The following RAPGEF4 variants were observed in gnomAD, a reference collection of about 807,000 sequenced individuals.
RAPGEF4 encodes Rap guanine nucleotide exchange factor 4.
Under a neutral mutation model 147.9 loss-of-function variants are expected in RAPGEF4, and 66 were observed. That is an observed-to-expected ratio of 0.45 (90% CI 0.37 to 0.55). The LOEUF is 0.55. Ranked by LOEUF, RAPGEF4 falls within the 20% of genes least tolerant of loss-of-function variation. The pLI is 0.00. For missense variants in RAPGEF4, 1,071 were observed against 1,257.3 expected, an observed-to-expected ratio of 0.85 and a Z score of 2.24; for synonymous variants, 419 against 442.7, an observed-to-expected ratio of 0.95 and a Z score of 0.67.
At chr2:172,883,268 G>A (rs1157824264) in intron 4 of RAPGEF4, among the ~76,000 whole-genome samples, 1 of 152,158 alleles carries the variant, frequency 6.6e-6, no homozygotes, top group Non-Finnish European at 1.5e-5. Context: ...CGGCTATCGA[G>A]GGCCTTCTTG....
intron 6 of RAPGEF4, among the ~76,000 whole-genome samples, chr2:172,940,106 A>G (rs1018027044): frequency 3.3e-5 from 5 of 152,142 alleles, no homozygotes; most frequent in African/African-American, 4.8e-5. Flanking sequence ...ATTTTGTAGA[A>G]TGTCCCTCAC....
At chr2:172,834,797 A>C (rs1690743537) in intron 4 of RAPGEF4, among the ~76,000 whole-genome samples, 1 of 152,254 alleles carries the variant, frequency 6.6e-6, no homozygotes, top group South Asian at 2.1e-4. Flanking sequence ...TCTCTTTTCT[A>C]CACACATTCT....
intron 4 of RAPGEF4, among the ~76,000 whole-genome samples, chr2:172,842,725 A>C (rs1248132880): frequency 2.0e-5 from 3 of 152,172 alleles, no homozygotes; most frequent in African/African-American, 7.2e-5. Context: ...CAATTTTATG[A>C]CCTGCCTTGG....
chr2:172,779,074 T>C (rs551118422), intron 1 of RAPGEF4, among the ~76,000 whole-genome samples: 2 of 152,320 alleles, frequency 1.3e-5, no homozygotes, highest in South Asian at 4.1e-4. Context: ...ATAAAAAAGA[T>C]ACAAAAGTAT....
intron 1 of RAPGEF4, among the ~76,000 whole-genome samples, chr2:172,774,666 A>G (rs1683982718): frequency 6.6e-6 from 1 of 152,210 alleles, no homozygotes; most frequent in Non-Finnish European, 1.5e-5. Flanking sequence ...CTGAACTTCT[A>G]GGAGTTTTTC....
chr2:172,872,008 T>C (rs903560107), intron 4 of RAPGEF4, among the ~76,000 whole-genome samples: 1 of 152,140 alleles, frequency 6.6e-6, no homozygotes, highest in Non-Finnish European at 1.5e-5. Flanking sequence ...ATCATCTGCC[T>C]TTGATGTGGG....
Position 173,030,924 on chromosome 2 carries a change from G to T in RAPGEF4, c.2649+670G>T, listed in dbSNP as rs369917161. ...TTATTATTAGCTTTGTACTCAAAATGTGCTTGACCTCTTACACGTGGCATA... is the reference window on the plus strand; with the variant it reads ...TTATTATTAGCTTTGTACTCAAAATTTGCTTGACCTCTTACACGTGGCATA... On this transcript the variant is annotated intron_variant, in intron 26 of 30. Coordinates refer to ENST00000397081, the MANE Select transcript of RAPGEF4 (RefSeq NM_007023.4). Among the ~76,000 whole-genome samples, 16 of 152,292 alleles carry T rather than the reference G, an allele frequency of 1.1e-4. No homozygotes were observed. In the East Asian group the frequency reaches 1.5e-3, roughly 15 times the overall value.
chr2:172,736,086 G>A, intron 1 of RAPGEF4, 38 bp downstream of exon 1: 1 of 1,440,370 alleles, frequency 6.9e-7, no homozygotes, highest in Non-Finnish European at 9.2e-7. Context: ...GCCGAGCTCT[G>A]CGGTGCTGCC....
chr2:172,937,951 C>T (rs545843536), intron 6 of RAPGEF4, among the ~76,000 whole-genome samples: 2 of 152,226 alleles, frequency 1.3e-5, no homozygotes, highest in East Asian at 1.9e-4. Context: ...TTGACACACT[C>T]CCATCACTAT....
At chr2:172,790,069 A>G (rs1249945493) in intron 1 of RAPGEF4, among the ~76,000 whole-genome samples, 1 of 152,190 alleles carries the variant, frequency 6.6e-6, no homozygotes, top group African/African-American at 2.4e-5. Flanking sequence ...ACCATTTTAG[A>G]TACTGACCAA....
At chr2:172,775,108 A>C (rs1684030332) in intron 1 of RAPGEF4, among the ~76,000 whole-genome samples, 1 of 152,150 alleles carries the variant, frequency 6.6e-6, no homozygotes, top group Admixed American at 6.5e-5. Context: ...ATAATCTCCC[A>C]GGCCAGAGCT....
At chr2:172,911,366 C>T (rs1203616415) in intron 4 of RAPGEF4, among the ~76,000 whole-genome samples, 1 of 152,162 alleles carries the variant, frequency 6.6e-6, no homozygotes, top group Non-Finnish European at 1.5e-5. Flanking sequence ...CATAAGTTAC[C>T]AATCTGTAGC....
intron 23 of RAPGEF4, 64 bp from the exon 24 acceptor site, chr2:173,026,508 G>A (rs560763503): frequency 6.6e-7 from 1 of 1,520,634 alleles, no homozygotes; most frequent in South Asian, 1.2e-5. Context: ...ACTCCTGAAA[G>A]CTTTTAGTGC....
intron 4 of RAPGEF4, among the ~76,000 whole-genome samples, chr2:172,845,594 G>T (rs558172636): frequency 2.0e-5 from 3 of 152,192 alleles, no homozygotes; most frequent in Admixed American, 6.5e-5. Flanking sequence ...TGGTACTGGG[G>T]AATGGAATTG....
chr2:173,032,235 T>C (rs1185225028), intron 26 of RAPGEF4, among the ~76,000 whole-genome samples: 2 of 152,140 alleles, frequency 1.3e-5, no homozygotes, highest in African/African-American at 4.8e-5. Context: ...GGAGCATCCC[T>C]GGCCTCTCCC....
At position 172,922,491 on chromosome 2, in the gene RAPGEF4, T is replaced by C. The variant is rs138867545; in HGVS notation, c.537+191T>C. ...GGGGAGAAGGTTGATTGCTCTGACA[T>C]GGTCGTCACGTGTCCCTGATTTTAA... On this transcript the variant is annotated intron_variant, in intron 6 of 30. Transcript: ENST00000397081. 2.3e-3 allele frequency among the ~76,000 whole-genome samples: 353 copies of C among 152,358 alleles called. 1 individual carries two copies. Among genetic ancestry groups the C allele is most frequent in the Admixed American group, 4.2e-3 (64 of 15,306 alleles).
intron 17 of RAPGEF4, among the ~76,000 whole-genome samples, chr2:173,005,721 C>T (rs1694411081): frequency 6.6e-6 from 1 of 152,030 alleles, no homozygotes; most frequent in Non-Finnish European, 1.5e-5. Flanking sequence ...TGGAGTTTCA[C>T]CATGTTGGCC....
intron 1 of RAPGEF4, among the ~76,000 whole-genome samples, chr2:172,764,966 C>T (rs1409134414): frequency 6.6e-6 from 1 of 152,156 alleles, no homozygotes; most frequent in African/African-American, 2.4e-5. Context: ...AACTGGGTGG[C>T]TTAAAGAATA....
At chr2:173,023,008 T>A (rs1424261134) in intron 23 of RAPGEF4, among the ~76,000 whole-genome samples, 1 of 152,178 alleles carries the variant, frequency 6.6e-6, no homozygotes, top group Non-Finnish European at 1.5e-5. Context: ...AAAATGGTCT[T>A]GAAGACAAAA....
Sources: gnomAD v4.1 joint callset for allele counts (sites outside exome capture counted in the v4.1 genomes callset) on GRCh38, gnomAD v4.1.1 for gene constraint, MANE v1.5 for transcripts, NCBI Gene and HGNC (gene_info 2026-07-23, HGNC 2026-07-21) for gene names.